LBP: variants seen among roughly 807,000 people sequenced by gnomAD.
LBP encodes lipopolysaccharide binding protein.
Under a neutral mutation model 56.6 loss-of-function variants are expected in LBP, and 53 were observed. That is an observed-to-expected ratio of 0.94 (90% CI 0.75 to 1.18). The LOEUF is 1.18. LBP is among the 50% of genes most tolerant of loss of function. The probability of loss-of-function intolerance (pLI) is 0.00; values close to 1 mark genes in which losing one functional copy is unlikely to be tolerated. For missense variants in LBP, 601 were observed against 598.3 expected (o/e 1.00, Z -0.05); for synonymous variants, 227 against 247.5 (o/e 0.92, Z 0.78).
intron 3 of LBP, 132 bp downstream of exon 3, chr20:38,351,071 G>A: frequency 1.7e-6 from 2 of 1,205,638 alleles, no homozygotes; most frequent in Non-Finnish European, 2.3e-6. Context: ...CCCGGAGGTG[G>A]CCTGGGGATT....
intron 7 of LBP, 59 bp downstream of exon 7, chr20:38,364,125 T>A: frequency 8.7e-7 from 1 of 1,143,250 alleles, no homozygotes. Context: ...CAGCCATTCT[T>A]TGGGCCACCT....
chr20:38,362,999 C>T (rs1205983790), intron 6 of LBP, among the ~76,000 whole-genome samples: 1 of 152,154 alleles, frequency 6.6e-6, no homozygotes, highest in Non-Finnish European at 1.5e-5. Context: ...TTGTTGCATG[C>T]ACCTGTAGTG....
chr20:38,351,567 G>A (rs2076820623), intron 3 of LBP, among the ~76,000 whole-genome samples: 1 of 152,172 alleles, frequency 6.6e-6, no homozygotes, highest in African/African-American at 2.4e-5. Flanking sequence ...GCATAGACTG[G>A]GTGGCTTAAG....
intron 7 of LBP, among the ~76,000 whole-genome samples, chr20:38,364,290 C>G (rs1481544270): frequency 6.6e-6 from 1 of 152,188 alleles, no homozygotes; most frequent in Admixed American, 6.5e-5. Context: ...CCTCCTTCTT[C>G]CCCTACTTTG....
chr20:38,364,812 T>A, intron 8 of LBP, 60 bp downstream of exon 8: 1 of 1,475,760 alleles, frequency 6.8e-7, no homozygotes, highest in Non-Finnish European at 9.2e-7. Context: ...TCCTTCCTTC[T>A]TTCCTTTTCA....
At position 38,364,683 on chromosome 20, in the gene LBP, T is replaced by C; in HGVS notation, c.852T>C (p.Tyr284=). The change falls in exon 8 of 15, where the codon TAT becomes TAC. Residue 284 remains tyrosine (Y), a synonymous_variant. Coordinates refer to ENST00000217407, the MANE Select transcript of LBP (RefSeq NM_004139.5). ...TGGTCTACTTTGCCATCTCGGATTATGTCTTCAACACGGCCAGCCTGGTTT... is the reference window on the plus strand; with the variant it reads ...TGGTCTACTTTGCCATCTCGGATTACGTCTTCAACACGGCCAGCCTGGTTT... ...NKMVYFAISD[Y]VFNTASLVYH... is the part of the protein sequence containing the mutation. 6.2e-7 allele frequency: 1 copy of C among 1,614,188 alleles called. No homozygotes were observed. The highest frequency in any genetic ancestry group is 1.7e-5 in the Admixed American group (1 of 60,020).
intron 2 of LBP, 21 bp from the exon 3 acceptor site, chr20:38,350,790 C>T (rs1246905438): frequency 6.3e-7 from 1 of 1,593,346 alleles, no homozygotes. Context: ...CTGACACCTC[C>T]TTCCATGTCT....
chr20:38,364,088 T>G (rs2076871809), intron 7 of LBP, 22 bp downstream of exon 7: 2 of 1,548,884 alleles, frequency 1.3e-6, no homozygotes, highest in African/African-American at 1.4e-5. Context: ...GGGGCCGGGC[T>G]GCGTGGGTGA....
chr20:38,354,406 C>G lies in LBP; in HGVS notation c.491C>G (p.Ala164Gly). ...GCCTCCAGCTGCAGCAGTGACATCG[C>G]TGACGTGGAGGTGGACATGTCGGGA... ...VTASSCSSDIADVEVDMSGDL... is the reference protein window; with the variant it reads ...VTASSCSSDIGDVEVDMSGDL... Residue 164 changes from alanine (A) to glycine (G), a missense_variant, in exon 4 of 15, where the codon GCT becomes GGT. Ala to Gly is a moderately conservative substitution (Grantham distance 60, BLOSUM62 0). Transcript: ENST00000217407. 1 of 1,613,176 alleles carries G rather than the reference C, an allele frequency of 6.2e-7. No homozygotes were observed. The highest frequency in any genetic ancestry group is 8.5e-7 in the Non-Finnish European group (1 of 1,179,842).
At position 38,349,663 on chromosome 20, in the gene LBP, G is replaced by A. The variant is rs151228599; in HGVS notation, c.239+1G>A. The stretch of plus-strand genomic sequence containing the variant: ...GCCGTGGGCGCTATGAGTTCCACAG[G>A]TGGGGCTCTCCCTTCTGCTGCGGCT... On this transcript the variant is annotated splice_donor_variant, in intron 2 of 14. Transcript: ENST00000217407. LOFTEE classifies it high-confidence loss of function. The A allele has an allele frequency of 3.1e-6, 5 of 1,590,958 alleles. No individual in the cohort carries two copies. The highest frequency in any genetic ancestry group is 1.7e-4 in the Middle Eastern group (1 of 6,036).
chr20:38,368,107 G>A (rs1247323680), intron 9 of LBP, among the ~76,000 whole-genome samples: 1 of 152,128 alleles, frequency 6.6e-6, no homozygotes, highest in Non-Finnish European at 1.5e-5. Flanking sequence ...AGTAATACGA[G>A]AAAATTAAAT....
chr20:38,376,486 C>T lies in LBP; in HGVS notation c.1402-139C>T. The stretch of plus-strand genomic sequence containing the variant: ...TTTACGGAGAGCTTGGGGACTGAGG[C>T]ACACTCGCAATTTATGCACTGACCT... On this transcript the variant is annotated intron_variant, in intron 14 of 14. Transcript: ENST00000217407. 1.1e-5 allele frequency: 8 copies of T among 758,284 alleles called. 1 individual carries two copies. In the South Asian group the frequency reaches 1.2e-4, roughly 12 times the overall value. 47.0% of individuals were successfully genotyped at this position (758,284 alleles called of 1,614,324 possible).
chr20:38,354,483 G>C, intron 4 of LBP, 44 bp downstream of exon 4: 1 of 1,565,566 alleles, frequency 6.4e-7, no homozygotes, highest in Non-Finnish European at 8.7e-7. Flanking sequence ...CCTGGTTGCA[G>C]CTCCCGGCCA....
chr20:38,363,182 T>C (rs2076867689), intron 6 of LBP, among the ~76,000 whole-genome samples: 2 of 152,196 alleles, frequency 1.3e-5, no homozygotes, highest in African/African-American at 2.4e-5. Context: ...GGTATATATC[T>C]GGGAGTGAAA....
At chr20:38,376,406 C>A (rs541228060) in intron 14 of LBP, among the ~76,000 whole-genome samples, 36 of 152,208 alleles carry the variant, frequency 2.4e-4, no homozygotes, top group African/African-American at 8.4e-4. Flanking sequence ...AGCAGCAGCT[C>A]GGGGAATGAC....
chr20:38,353,008 G>A (rs896681852), intron 3 of LBP, among the ~76,000 whole-genome samples: 1 of 151,990 alleles, frequency 6.6e-6, no homozygotes, highest in African/African-American at 2.4e-5. Context: ...TGGTTTATAT[G>A]TTACCTACAT....
At chr20:38,372,244 A>T (rs1251409196) in intron 12 of LBP, among the ~76,000 whole-genome samples, 1 of 152,200 alleles carries the variant, frequency 6.6e-6, no homozygotes, top group Non-Finnish European at 1.5e-5. Context: ...CCATTCCATG[A>T]TGCTGGCCTC....
In LBP at chr20:38,369,155, T is replaced by G. The variant is rs745618862; in HGVS notation, c.1142T>G (p.Leu381Arg). 8.1e-6 allele frequency: 13 copies of G among 1,613,962 alleles called. No homozygotes were observed. Among genetic ancestry groups the G allele is most frequent in the Non-Finnish European group, 1.1e-5 (13 of 1,179,952 alleles). Residue 381 changes from leucine to arginine, a missense_variant, in exon 10 of 15, where the codon CTC (leucine) becomes CGC (arginine). Physicochemically the swap from Leu to Arg is moderately radical, Grantham distance 102. Coordinates refer to ENST00000217407, the MANE Select transcript of LBP (RefSeq NM_004139.5). ...PSSSKEPVFR[L>R]SVATNVSATL... ...TCCAGCAAGGAGCCTGTCTTCCGGCTCAGTGTGGTAAGGTTCAGAGCCTTT... is the reference window on the plus strand; with the variant it reads ...TCCAGCAAGGAGCCTGTCTTCCGGCGCAGTGTGGTAAGGTTCAGAGCCTTT...
intron 6 of LBP, among the ~76,000 whole-genome samples, chr20:38,362,243 G>T (rs2076863265): frequency 6.7e-6 from 1 of 149,420 alleles, no homozygotes; most frequent in Admixed American, 6.6e-5. Flanking sequence ...TGTATTTTTA[G>T]TAGAGACGGG....
Sources: allele counts gnomAD v4.1 joint callset (sites outside exome capture counted in the v4.1 genomes callset), GRCh38; gene constraint gnomAD v4.1.1; transcripts MANE v1.5; gene names NCBI Gene and HGNC (gene_info 2026-07-23, HGNC 2026-07-21).